ADGRL2: variants seen among roughly 807,000 people sequenced by gnomAD.
ADGRL2 encodes adhesion G protein-coupled receptor L2, also known as calcium-independent alpha-latrotoxin receptor 2.
A neutral mutation model predicts 157.4 loss-of-function variants in ADGRL2; 44 were observed. The ratio of observed to expected loss-of-function variants is 0.28; its 90% CI spans 0.22 to 0.36. The LOEUF is 0.36. Ranked by LOEUF, ADGRL2 falls within the 10% of genes least tolerant of loss-of-function variation. The pLI is 1.00. For missense variants in ADGRL2, 1,510 were observed against 1,768.9 expected, an observed-to-expected ratio of 0.85 and a Z score of 2.63; for synonymous variants, 585 against 624.7, an observed-to-expected ratio of 0.94 and a Z score of 0.95.
rs543867818 is a variant in ADGRL2, at chr1:81,670,759, A to G, written c.-143+89779A>G. ...GAGACAGGGTCTCGCTCTGTTGCCC[A>G]GGCTGGGTGCAATGGCACGATCTTG... is the stretch of plus-strand genomic sequence containing the variant. On this transcript the variant is annotated intron_variant, in intron 3 of 24. Coordinates refer to the ADGRL2 transcript ENST00000370721. 3.3e-5 allele frequency among the ~76,000 whole-genome samples: 5 copies of G among 152,374 alleles called. No homozygotes were observed. In the South Asian group the frequency reaches 1.0e-3, roughly 32 times the overall value.
Position 81,809,714 on chromosome 1 carries a change from C to T in ADGRL2, c.-101+8646C>T, listed in dbSNP as rs541205921. Among the ~76,000 whole-genome samples the T allele has an allele frequency of 8.2e-4, 125 of 152,058 alleles. 1 individual carries two copies. Among genetic ancestry groups the T allele is most frequent in the African/African-American group, 2.9e-3 (122 of 41,536 alleles). ...TTTCTTGGTCACACATATGTACATA[C>T]ATAAACACACATTTTATAGTCTGTT... On this transcript the variant is annotated intron_variant, in intron 1 of 23. Transcript: ENST00000686636.
chr1:81,831,645 T>C (rs1406020873), intron 1 of ADGRL2, among the ~76,000 whole-genome samples: 1 of 152,044 alleles, frequency 6.6e-6, no homozygotes, highest in Non-Finnish European at 1.5e-5. Flanking sequence ...GTTGGGAAAA[T>C]TGCATGGAAG....
In ADGRL2 at chr1:81,992,486, C is replaced by T. The variant is rs3790868; in HGVS notation, c.*1341C>T. 0.21 allele frequency: 32,704 copies of T among 152,320 alleles called. 4,023 individuals carry two copies. Among genetic ancestry groups the T allele is most frequent in the East Asian group, 0.6 (3,071 of 5,150 alleles). The allele number at this position is 152,320 out of a possible 1,614,324, so 9.4% of individuals were successfully genotyped here. A position where few individuals can be genotyped will look rare whatever the true frequency, so the allele number is the denominator to read the frequency against. ...CTTTAACATGTTGGTCCATTCCCAC[C>T]TTGGTTTAAGTAACGTCATACCAAA... On this transcript the variant is annotated 3_prime_UTR_variant, in exon 24 of 24. Coordinates refer to ENST00000686636, the MANE Select transcript of ADGRL2 (RefSeq NM_001366006.2).
intron 1 of ADGRL2, among the ~76,000 whole-genome samples, chr1:81,408,016 ATG>A (rs1214564611): frequency 6.6e-6 from 1 of 152,196 alleles, no homozygotes. Flanking sequence ...GTTATAGACA[ATG>A]AGGTTGTTAC....
rs753357765 is a variant in ADGRL2, at chr1:81,990,751, C to T, written c.4016C>T (p.Pro1339Leu). The T allele has an allele frequency of 1.2e-6, 2 of 1,614,090 alleles. No homozygotes were observed. The highest frequency in any genetic ancestry group is 2.2e-5 in the South Asian group (2 of 91,072). The change falls in exon 24 of 24, where the codon CCT becomes CTT. Residue 1339 changes from proline to leucine, a missense_variant. Pro to Leu is a moderately conservative substitution (Grantham distance 98, BLOSUM62 -3). Coordinates refer to ENST00000686636, the MANE Select transcript of ADGRL2 (RefSeq NM_001366006.2). Reference sequence around the variant, plus strand: ...AAAGAACTCGAGGCACCACTTATTCCTCAGCGGACTCACTCCCTTCTGTAC... The same window carrying T: ...AAAGAACTCGAGGCACCACTTATTCTTCAGCGGACTCACTCCCTTCTGTAC... The part of the protein sequence containing the change: ...HHKELEAPLI[P>L]QRTHSLLYQP...
At position 81,321,149 on chromosome 1, in the gene ADGRL2, T is replaced by C. The variant is rs574357327; in HGVS notation, c.-302+14640T>C. Reference sequence around the variant, plus strand: ...TCTATAAACCTCATAAGCCAACCTCTGATAGTTTCAAACTTTTCTTCTGAA... The same window carrying C: ...TCTATAAACCTCATAAGCCAACCTCCGATAGTTTCAAACTTTTCTTCTGAA... On this transcript the variant is annotated intron_variant, in intron 1 of 24. Transcript: ENST00000370721. Among the ~76,000 whole-genome samples, 3 of 152,328 alleles carry C rather than the reference T, an allele frequency of 2.0e-5. 1 individual carries two copies. The highest frequency in any genetic ancestry group is 7.2e-5 in the African/African-American group (3 of 41,586).
intron 3 of ADGRL2, among the ~76,000 whole-genome samples, chr1:81,935,234 A>G (rs1002481193): frequency 3.9e-5 from 6 of 151,952 alleles, no homozygotes; most frequent in Non-Finnish European, 5.9e-5. Context: ...AGGAAAACAT[A>G]TGTTACAGAA....
intron 1 of ADGRL2, among the ~76,000 whole-genome samples, chr1:81,385,152 T>A (rs989639771): frequency 1.3e-5 from 2 of 152,216 alleles, no homozygotes; most frequent in Non-Finnish European, 2.9e-5. Context: ...TTATCAATAC[T>A]ATTTCCACAT....
intron 2 of ADGRL2, among the ~76,000 whole-genome samples, chr1:81,884,281 G>A (rs1260278481): frequency 1.3e-5 from 2 of 152,140 alleles, no homozygotes; most frequent in Admixed American, 1.3e-4. Flanking sequence ...ATCCCAAACT[G>A]CCTTCCTTTT....
At chr1:81,810,872 A>T (rs1298714983) in intron 1 of ADGRL2, among the ~76,000 whole-genome samples, 1 of 151,864 alleles carries the variant, frequency 6.6e-6, no homozygotes, top group Non-Finnish European at 1.5e-5. Context: ...AGACATGTTC[A>T]CTTTTACTAA....
intron 1 of ADGRL2, among the ~76,000 whole-genome samples, chr1:81,827,795 C>T (rs1350588464): frequency 6.6e-6 from 1 of 152,098 alleles, no homozygotes; most frequent in Admixed American, 6.5e-5. Context: ...GAACTCCTGA[C>T]CTCAGCCAAT....
chr1:81,519,997 G>T (rs1343701135), intron 2 of ADGRL2, among the ~76,000 whole-genome samples: 2 of 152,048 alleles, frequency 1.3e-5, no homozygotes, highest in African/African-American at 4.8e-5. Context: ...ACTTCCTCAA[G>T]TCTTTTTTAA....
intron 3 of ADGRL2, among the ~76,000 whole-genome samples, chr1:81,609,424 T>A (rs1570629459): frequency 6.6e-6 from 1 of 152,174 alleles, no homozygotes; most frequent in Non-Finnish European, 1.5e-5. Context: ...TTCTTTTTGG[T>A]AGATAATAGT....
chr1:81,747,735 G>A (rs2085348835), intron 1 of ADGRL2, among the ~76,000 whole-genome samples: 1 of 147,986 alleles, frequency 6.8e-6, no homozygotes, highest in African/African-American at 2.5e-5. Context: ...GTGTGTGTGT[G>A]TAAGAGACAG....
chr1:81,323,396 T>C (rs538927186), intron 1 of ADGRL2, among the ~76,000 whole-genome samples: 8 of 148,764 alleles, frequency 5.4e-5, no homozygotes, highest in African/African-American at 2.0e-4. Context: ...CGAGCCATTG[T>C]ACTAGACTAA....
rs2101449626 is a variant in ADGRL2 at position 81,412,993 on chromosome 1, A to C, written c.-301-32043A>C. 1.3e-5 allele frequency among the ~76,000 whole-genome samples: 2 copies of C among 152,250 alleles called. 1 individual carries two copies. Among genetic ancestry groups the C allele is most frequent in the South Asian group, 4.2e-4 (2 of 4,818 alleles). ...TGATGACTCAGTCAGCTGGTGATAA[A>C]TTTGTTCTTGGATGTTTTCTCTACT... On this transcript the variant is annotated intron_variant, in intron 1 of 24. Coordinates refer to the ADGRL2 transcript ENST00000370721.
chr1:81,445,146 G>A (rs879663025), intron 2 of ADGRL2: 2 of 152,180 alleles, frequency 1.3e-5, no homozygotes, highest in African/African-American at 4.8e-5. Flanking sequence ...ATGAATTCAA[G>A]CACTGCCTAA....
intron 3 of ADGRL2, among the ~76,000 whole-genome samples, chr1:81,652,659 T>G (rs10399830): frequency 5.9e-5 from 9 of 151,878 alleles, no homozygotes; most frequent in African/African-American, 1.9e-4. Context: ...TTTTTAAAAA[T>G]GTCAACTTTT....
At chr1:81,659,201 A>G (rs1024932697) in intron 3 of ADGRL2, among the ~76,000 whole-genome samples, 1 of 151,718 alleles carries the variant, frequency 6.6e-6, no homozygotes, top group Non-Finnish European at 1.5e-5. Context: ...AAGTGGGATT[A>G]CAGGTATGCA....
Sources: allele counts gnomAD v4.1 joint callset (sites outside exome capture counted in the v4.1 genomes callset), GRCh38; gene constraint gnomAD v4.1.1; transcripts MANE v1.5; gene names NCBI Gene and HGNC (gene_info 2026-07-23, HGNC 2026-07-21).